COL23A1: variants seen among roughly 807,000 people sequenced by gnomAD.
COL23A1 encodes the protein collagen alpha-1(XXIII) chain.
Under a neutral mutation model 99.3 loss-of-function variants are expected in COL23A1, and 97 were observed. The ratio of observed to expected loss-of-function variants is 0.98; its 90% CI spans 0.83 to 1.16. The LOEUF (loss-of-function observed/expected upper bound fraction) is 1.16. Among genes scored for constraint, COL23A1 ranks in the 50% most tolerant of loss-of-function variants. The pLI is 0.00. For missense variants in COL23A1, 762 were observed against 757.4 expected, an observed-to-expected ratio of 1.01 and a Z score of -0.07; for synonymous variants, 320 against 308.2, an observed-to-expected ratio of 1.04 and a Z score of -0.40.
At chr5:178,297,711 T>C (rs558712927) in intron 3 of COL23A1, among the ~76,000 whole-genome samples, 37 of 152,324 alleles carry the variant, frequency 2.4e-4, no homozygotes, top group African/African-American at 8.7e-4. Flanking sequence ...ACCATATCCC[T>C]GGGACCACAT....
intron 2 of COL23A1, among the ~76,000 whole-genome samples, chr5:178,547,948 A>C (rs2113431978): frequency 4.5e-5 from 2 of 44,722 alleles, no homozygotes. Context: ...CACCCCCCAC[A>C]CACACCCACA....
chr5:178,332,441 A>T (rs1213015055), intron 2 of COL23A1, among the ~76,000 whole-genome samples: 1 of 152,148 alleles, frequency 6.6e-6, no homozygotes, highest in Admixed American at 6.5e-5. Flanking sequence ...CCATTCCTGG[A>T]GGCACTGTTC....
intron 21 of COL23A1, 21 bp downstream of exon 21, chr5:178,247,754 A>G: frequency 6.2e-7 from 1 of 1,612,456 alleles, no homozygotes; most frequent in Non-Finnish European, 8.5e-7. Context: ...TTCAAACCAA[A>G]CCAAAGCAAA....
chr5:178,520,064 G>A (rs2113035181), intron 2 of COL23A1, among the ~76,000 whole-genome samples: 1 of 152,310 alleles, frequency 6.6e-6, no homozygotes, highest in Non-Finnish European at 1.5e-5. Context: ...TGGGTGGATG[G>A]ATGGATGGAT....
Position 178,306,103 on chromosome 5 carries a change from C to T in COL23A1, c.406+772G>A, listed in dbSNP as rs538293683. ...GAGACGACCAAGGGAGATTCATTCA[C>T]GGGGCAGGTGGGTCCCGTGAGAATG... On this transcript the variant is annotated intron_variant, in intron 3 of 28. Transcript: ENST00000390654. The surrounding 1 kb of genome is among the most constrained non-coding windows in gnomAD (Gnocchi z 4.1). 3.9e-5 allele frequency among the ~76,000 whole-genome samples: 6 copies of T among 152,140 alleles called. No individual in the cohort carries two copies. Among genetic ancestry groups the T allele is most frequent in the Admixed American group, 6.5e-5 (1 of 15,288 alleles).
chr5:178,345,180 CTAACTCCAGACTCCA>C (rs1374733148), intron 2 of COL23A1: 1 of 802,764 alleles, frequency 1.2e-6, no homozygotes, highest in African/African-American at 1.7e-5. Context: ...CACGTAGTCT[CTAACTCCAGACTCCA>C]CCAGATGTGC....
At chr5:178,405,096 C>CG (rs1441689832) in intron 2 of COL23A1, among the ~76,000 whole-genome samples, 1 of 152,248 alleles carries the variant, frequency 6.6e-6, no homozygotes, top group East Asian at 1.9e-4. Context: ...CCCATCTCTA[C>CG]CTCCCGCATT....
intron 2 of COL23A1, among the ~76,000 whole-genome samples, chr5:178,343,980 C>T (rs746692741): frequency 6.6e-6 from 1 of 152,030 alleles, no homozygotes; most frequent in Non-Finnish European, 1.5e-5. Context: ...TTTTAAAAGA[C>T]CATTCTGAAC....
chr5:178,380,355 C>T (rs1763312887), intron 2 of COL23A1, among the ~76,000 whole-genome samples: 1 of 151,548 alleles, frequency 6.6e-6, no homozygotes, highest in African/African-American at 2.4e-5. Context: ...TCCAGTGCAG[C>T]CACGTAAAAC....
At chr5:178,487,338 A>ATT (rs1757693624) in intron 2 of COL23A1, among the ~76,000 whole-genome samples, 3 of 119,872 alleles carry the variant, frequency 2.5e-5, no homozygotes, top group Non-Finnish European at 5.8e-5. Flanking sequence ...ATTTATTTAG[A>ATT]GAAGGAGTTT....
chr5:178,258,139 T>C (rs1043099389), intron 12 of COL23A1, among the ~76,000 whole-genome samples: 1 of 151,124 alleles, frequency 6.6e-6, no homozygotes, highest in African/African-American at 2.4e-5. Flanking sequence ...TCCCAGCTAT[T>C]TGAGAGGCTG....
intron 2 of COL23A1, among the ~76,000 whole-genome samples, chr5:178,507,759 C>G (rs566163615): frequency 6.6e-6 from 1 of 152,304 alleles, no homozygotes; most frequent in Non-Finnish European, 1.5e-5. Flanking sequence ...AAGTTTGTTT[C>G]TTTGTCATCA....
At chr5:178,374,821 A>C (rs1401611683) in intron 2 of COL23A1, among the ~76,000 whole-genome samples, 1 of 152,220 alleles carries the variant, frequency 6.6e-6, no homozygotes, top group African/African-American at 2.4e-5. Flanking sequence ...CAGCTTAATC[A>C]AACAGCTAAG....
chr5:178,551,025 A>T (rs1761969031), intron 2 of COL23A1, among the ~76,000 whole-genome samples: 1 of 135,172 alleles, frequency 7.4e-6, no homozygotes, highest in African/African-American at 2.6e-5. Flanking sequence ...CCATCTGGAA[A>T]ATTCTGAGGG....
chr5:178,474,984 C>T (rs1374991953), intron 2 of COL23A1, among the ~76,000 whole-genome samples: 1 of 152,206 alleles, frequency 6.6e-6, no homozygotes. Context: ...ATTCCTGTGG[C>T]TGCCAGCAAT....
intron 2 of COL23A1, among the ~76,000 whole-genome samples, chr5:178,479,578 G>A (rs1264027869): frequency 6.6e-6 from 1 of 152,222 alleles, no homozygotes; most frequent in African/African-American, 2.4e-5. Flanking sequence ...TGGCCAGAGG[G>A]AGTCTGGGAA....
chr5:178,535,962 C>T (rs956708593), intron 2 of COL23A1, among the ~76,000 whole-genome samples: 1 of 152,248 alleles, frequency 6.6e-6, no homozygotes, highest in Non-Finnish European at 1.5e-5. Context: ...TTCCCAGGAC[C>T]CGAGAGGGTC....
chr5:178,249,716 A>ACACACACACACACTCACTCTCTCTCTCT, intron 18 of COL23A1, among the ~76,000 whole-genome samples: 5 of 92,750 alleles, frequency 5.4e-5, no homozygotes, highest in African/African-American at 1.3e-4. Context: ...ACACACACAC[A>ACACACACACACACTCACTCTCTCTCTCT]CTCTCTCTCT....
At chr5:178,491,321 C>T (rs1757924293) in intron 2 of COL23A1, among the ~76,000 whole-genome samples, 2 of 152,146 alleles carry the variant, frequency 1.3e-5, no homozygotes, top group African/African-American at 4.8e-5. Context: ...AAGAGGACGA[C>T]AGTTCTCCTT....
Sources: allele counts gnomAD v4.1 joint callset (sites outside exome capture counted in the v4.1 genomes callset), GRCh38; gene constraint gnomAD v4.1.1; non-coding constraint Gnocchi (gnomAD v3.1); transcripts MANE v1.5; gene names NCBI Gene and HGNC (gene_info 2026-07-23, HGNC 2026-07-21).